TSG101: variants seen among roughly 807,000 people sequenced by gnomAD.
The protein encoded by TSG101 is tumor susceptibility 101.
Under a neutral mutation model 48.5 loss-of-function variants are expected in TSG101, and 19 were observed. The observed-to-expected ratio is 0.39, with a 90% CI of 0.27 to 0.58. TSG101 has a LOEUF of 0.58. TSG101 is among the 20% of genes least tolerant of loss of function. The probability of loss-of-function intolerance (pLI) is 0.55; values close to 1 mark genes in which losing one functional copy is unlikely to be tolerated. For synonymous variants in TSG101, 174 were observed against 169.4 expected (o/e 1.03, Z -0.21); for missense variants, 365 against 484.4 (o/e 0.75, Z 2.31).
Position 18,509,641 on chromosome 11 carries a change from T to C in TSG101, c.382A>G (p.Ile128Val). ...KHPQSDLLGL[I>V]QVMIVVFGDE... The stretch of plus-strand genomic sequence containing the variant: ...CCAAATACCACAATCATGACCTGAA[T>C]AAGCCCCAACAAGTCTGACTGTGGC... The change falls in exon 5 of 10, where the codon ATT becomes GTT. Residue 128 changes from isoleucine to valine, a missense_variant. Transcript: ENST00000251968. 4 of 1,611,356 alleles carry C rather than the reference T, an allele frequency of 2.5e-6. No homozygotes were observed. Among genetic ancestry groups the C allele is most frequent in the Non-Finnish European group, 3.4e-6 (4 of 1,178,248 alleles).
At chr11:18,492,177 G>T (rs1849708311) in intron 7 of TSG101, among the ~76,000 whole-genome samples, 1 of 152,176 alleles carries the variant, frequency 6.6e-6, no homozygotes, top group African/African-American at 2.4e-5. Flanking sequence ...CTTTCTAGAA[G>T]AACCTGTCTT....
At chr11:18,525,478 G>A (rs1414365050) in intron 1 of TSG101, among the ~76,000 whole-genome samples, 1 of 150,074 alleles carries the variant, frequency 6.7e-6, no homozygotes, top group Non-Finnish European at 1.5e-5. Flanking sequence ...CCTGGGAGGC[G>A]GAGATTGCAG....
Position 18,509,633 on chromosome 11 carries a change from G to A in TSG101, c.390C>T (p.Val130=), listed in dbSNP as rs980681786. 10 of 1,613,226 alleles carry A rather than the reference G, an allele frequency of 6.2e-6. No homozygotes were observed. In the African/African-American group the frequency reaches 1.3e-4, roughly 22 times the overall value. The change falls in exon 5 of 10, where the codon GTC becomes GTT. Residue 130 remains valine, a synonymous_variant. Coordinates refer to ENST00000251968, the MANE Select transcript of TSG101 (RefSeq NM_006292.4). The stretch of plus-strand genomic sequence containing the variant: ...GTTCATCTCCAAATACCACAATCAT[G>A]ACCTGAATAAGCCCCAACAAGTCTG... ...PQSDLLGLIQ[V]MIVVFGDEPP...
chr11:18,526,629 G>A (rs1850379211), intron 1 of TSG101, 146 bp downstream of exon 1: 3 of 911,870 alleles, frequency 3.3e-6, no homozygotes, highest in African/African-American at 1.7e-5. Context: ...GGCGCCTCGG[G>A]GCGGGGTTCT....
intron 7 of TSG101, among the ~76,000 whole-genome samples, chr11:18,493,964 C>T (rs912030582): frequency 6.6e-6 from 1 of 152,114 alleles, no homozygotes; most frequent in African/African-American, 2.4e-5. Flanking sequence ...TTTAAACACT[C>T]AGAAAAATGC....
At chr11:18,516,965 T>C (rs748095407) in intron 2 of TSG101, among the ~76,000 whole-genome samples, 1 of 152,102 alleles carries the variant, frequency 6.6e-6, no homozygotes, top group Non-Finnish European at 1.5e-5. Context: ...AAAAAAACAC[T>C]ATCAAACAAT....
intron 1 of TSG101, among the ~76,000 whole-genome samples, chr11:18,522,136 T>C: frequency 6.6e-6 from 1 of 152,234 alleles, no homozygotes; most frequent in East Asian, 1.9e-4. Flanking sequence ...CTTCTCTATC[T>C]AAACTCATTC....
chr11:18,504,510 A>G (rs1057260183), intron 6 of TSG101, among the ~76,000 whole-genome samples: 1 of 152,300 alleles, frequency 6.6e-6, no homozygotes, highest in Admixed American at 6.5e-5. Flanking sequence ...TAGTCTCTTC[A>G]GTAATCCATG....
chr11:18,487,869 C>CT (rs560858042), intron 7 of TSG101, among the ~76,000 whole-genome samples: 190 of 148,134 alleles, frequency 1.3e-3, no homozygotes, highest in Middle Eastern at 0.01. Flanking sequence ...TTTGGTAGAT[C>CT]TTTTTTTTTT....
At chr11:18,511,176 C>T (rs181400376) in intron 4 of TSG101, 2 of 152,426 alleles carry the variant, frequency 1.3e-5, no homozygotes, top group East Asian at 1.9e-4. Flanking sequence ...CTCCTCCCCC[C>T]AGACAAGGTC....
At chr11:18,497,760 C>G (rs956463107) in intron 7 of TSG101, among the ~76,000 whole-genome samples, 1 of 152,112 alleles carries the variant, frequency 6.6e-6, no homozygotes, top group Non-Finnish European at 1.5e-5. Flanking sequence ...GATTAAAGAC[C>G]TTTTATCATT....
Position 18,502,521 on chromosome 11 carries a change from G to C in TSG101, c.605C>G (p.Ser202Cys). Residue 202 changes from serine (S) to cysteine (C), a missense_variant, in exon 7 of 10, where the codon TCT becomes TGT. Physicochemically the swap from Ser to Cys is moderately radical, Grantham distance 112. Transcript: ENST00000251968. ...CACAGGAGGCTGAGAAGGGTACTGA[G>C]AACTTGTTGTGGCAGGATATGGACC... is the stretch of plus-strand genomic sequence containing the variant. ...PGGPYPATTS[S>C]QYPSQPPVTT... 1 of 1,613,540 alleles carries C rather than the reference G, an allele frequency of 6.2e-7. No homozygotes were observed. The highest frequency in any genetic ancestry group is 8.5e-7 in the Non-Finnish European group (1 of 1,179,730).
chr11:18,520,684 T>C (rs1850256133), intron 1 of TSG101, among the ~76,000 whole-genome samples: 1 of 152,214 alleles, frequency 6.6e-6, no homozygotes, highest in South Asian at 2.1e-4. Flanking sequence ...TTTAGTATAG[T>C]TTCATAGATA....
intron 5 of TSG101, 94 bp from the exon 6 acceptor site, chr11:18,507,017 G>A: frequency 2.1e-6 from 2 of 943,394 alleles, no homozygotes; most frequent in East Asian, 2.6e-5. Context: ...TCAATACACA[G>A]CAAAATTTCA....
intron 1 of TSG101, among the ~76,000 whole-genome samples, chr11:18,521,963 C>A (rs1850285841): frequency 6.6e-6 from 1 of 152,156 alleles, no homozygotes; most frequent in Non-Finnish European, 1.5e-5. Context: ...CAGGCATGAG[C>A]CATCATGCCC....
At chr11:18,484,134 A>G in intron 7 of TSG101, 62 bp from the exon 8 acceptor site, 1 of 1,561,076 alleles carries the variant, frequency 6.4e-7, no homozygotes, top group Non-Finnish European at 8.8e-7. Flanking sequence ...TTTGTCTCAC[A>G]GGAACCTTCA....
intron 7 of TSG101, among the ~76,000 whole-genome samples, chr11:18,489,130 G>A (rs1428607807): frequency 4.0e-5 from 6 of 151,388 alleles, no homozygotes; most frequent in South Asian, 4.2e-4. Context: ...AAAAAAGGAT[G>A]GTGGGAAAGA....
intron 7 of TSG101, among the ~76,000 whole-genome samples, chr11:18,493,872 G>A (rs764908768): frequency 1.3e-5 from 2 of 152,158 alleles, no homozygotes; most frequent in Non-Finnish European, 1.5e-5. Flanking sequence ...GTATGAATAT[G>A]TAAGCTTCTA....
chr11:18,499,288 A>ATATATT (rs1309459702), intron 7 of TSG101, among the ~76,000 whole-genome samples: 1 of 115,076 alleles, frequency 8.7e-6, no homozygotes, highest in African/African-American at 3.1e-5. Flanking sequence ...TATATATCAT[A>ATATATT]TATATTTATA....
Sources: allele counts gnomAD v4.1 joint callset (sites outside exome capture counted in the v4.1 genomes callset), GRCh38; gene constraint gnomAD v4.1.1; transcripts MANE v1.5; gene names NCBI Gene and HGNC (gene_info 2026-07-23, HGNC 2026-07-21).